The following ZNF25 variants were observed in gnomAD, a reference collection of about 807,000 sequenced individuals.
ZNF25 encodes the protein zinc finger protein 25.
ZNF25 carries 21 observed loss-of-function variants against 30.9 expected under a neutral mutation model. The observed-to-expected ratio is 0.68, with a 90% CI of 0.48 to 0.98. ZNF25 has a LOEUF of 0.98. Ranked by LOEUF, ZNF25 falls within the 50% of genes least tolerant of loss-of-function variation. The pLI, the probability that ZNF25 is intolerant of heterozygous loss-of-function variation, is 0.00. For synonymous variants in ZNF25, 169 were observed against 181.3 expected (o/e 0.93, Z 0.55); for missense variants, 501 against 529.9 (o/e 0.95, Z 0.54).
intron 2 of ZNF25, among the ~76,000 whole-genome samples, chr10:37,958,854 C>A (rs2062689509): frequency 6.6e-6 from 1 of 152,104 alleles, no homozygotes; most frequent in African/African-American, 2.4e-5. Flanking sequence ...TTGAGACCAG[C>A]CTGGCCAACA....
At position 37,959,400 on chromosome 10, in the gene ZNF25, G is replaced by A. The variant is rs2062720680; in HGVS notation, c.16-1854C>T. Among the ~76,000 whole-genome samples, 3 of 152,158 alleles carry A rather than the reference G, an allele frequency of 2.0e-5. No homozygotes were observed. In the South Asian group the frequency reaches 6.2e-4, roughly 32 times the overall value. The stretch of plus-strand genomic sequence containing the variant: ...TTAGTTACTAACCACTGGGAGAAAG[G>A]GGGAGGGCAGCTCCCATAGTGTCTG... On this transcript the variant is annotated intron_variant, in intron 2 of 5. Transcript: ENST00000302609.
chr10:37,970,293 C>A (rs575046222), intron 2 of ZNF25, among the ~76,000 whole-genome samples: 34 of 152,220 alleles, frequency 2.2e-4, no homozygotes, highest in Non-Finnish European at 3.5e-4. Flanking sequence ...GACCAATTTA[C>A]CCTGGCAATG....
At chr10:37,962,521 T>C (rs1048527219) in intron 2 of ZNF25, among the ~76,000 whole-genome samples, 5 of 152,180 alleles carry the variant, frequency 3.3e-5, no homozygotes, top group Admixed American at 6.5e-5. Context: ...CTGAACACAG[T>C]AGACAAACTA....
chr10:37,974,650 T>C (rs1300498336), intron 1 of ZNF25, among the ~76,000 whole-genome samples: 1 of 152,200 alleles, frequency 6.6e-6, no homozygotes, highest in Non-Finnish European at 1.5e-5. Context: ...AGAACCCTCA[T>C]ACAACCTTGG....
intron 2 of ZNF25, among the ~76,000 whole-genome samples, chr10:37,962,858 G>A (rs2062965153): frequency 6.6e-6 from 1 of 151,968 alleles, no homozygotes; most frequent in Non-Finnish European, 1.5e-5. Context: ...ACTCACTCAG[G>A]AAGAAATATC....
chr10:37,973,510 T>G (rs905595969), intron 1 of ZNF25, among the ~76,000 whole-genome samples: 15 of 149,766 alleles, frequency 1.0e-4, no homozygotes, highest in African/African-American at 2.7e-4. Context: ...TCCCAGCTAC[T>G]CGGGAGGTTG....
At chr10:37,963,988 G>A (rs936482674) in intron 2 of ZNF25, among the ~76,000 whole-genome samples, 2 of 151,950 alleles carry the variant, frequency 1.3e-5, no homozygotes, top group Non-Finnish European at 2.9e-5. Context: ...AAATAAATAA[G>A]CAAATAAATA....
At chr10:37,971,829 C>T in intron 1 of ZNF25, 22 bp from the exon 2 acceptor site, 11 of 1,484,858 alleles carry the variant, frequency 7.4e-6, no homozygotes, top group East Asian at 2.3e-5. Context: ...TTCCATACAA[C>T]ATTTTAGTAA....
chr10:37,968,151 G>T (rs574485103), intron 2 of ZNF25, among the ~76,000 whole-genome samples: 1 of 151,404 alleles, frequency 6.6e-6, no homozygotes, highest in African/African-American at 2.4e-5. Flanking sequence ...TCTGCCTCCC[G>T]GGTTCGAGCA....
rs2135255807 is a variant in ZNF25 at position 37,950,722 on chromosome 10, T to C, written c.*1405A>G. 1 of 152,262 alleles carries C rather than the reference T, an allele frequency of 6.6e-6. No individual in the cohort carries two copies. Among genetic ancestry groups the C allele is most frequent in the South Asian group, 2.1e-4 (1 of 4,826 alleles). 9.4% of individuals were successfully genotyped at this position (152,262 alleles called of 1,614,324 possible). On this transcript the variant is annotated 3_prime_UTR_variant, in exon 6 of 6. Transcript: ENST00000302609. ...CCTAAGATGTTGTCACTATCACTAC[T>C]CTTTTATGGGATGGGAACTGAGGCA...
chr10:37,966,123 A>G (rs190493329), intron 2 of ZNF25, among the ~76,000 whole-genome samples: 1 of 152,242 alleles, frequency 6.6e-6, no homozygotes, highest in East Asian at 1.9e-4. Flanking sequence ...ACATTGCTAT[A>G]AAGAACTACC....
intron 1 of ZNF25, among the ~76,000 whole-genome samples, chr10:37,974,419 GA>G (rs1180781980): frequency 6.6e-6 from 1 of 151,980 alleles, no homozygotes; most frequent in Non-Finnish European, 1.5e-5. Flanking sequence ...TCAACAGTCA[GA>G]AAACAAAAAA....
intron 2 of ZNF25, among the ~76,000 whole-genome samples, chr10:37,961,746 A>C (rs1157551756): frequency 6.7e-6 from 1 of 150,016 alleles, no homozygotes; most frequent in Non-Finnish European, 1.5e-5. Flanking sequence ...ACATGGAAAA[A>C]CCCCGTCTCT....
At position 37,952,791 on chromosome 10, in the gene ZNF25, C is replaced by G; in HGVS notation, c.707G>C (p.Gly236Ala). The G allele has an allele frequency of 6.2e-7, 1 of 1,613,686 alleles. No individual in the cohort carries two copies. Among genetic ancestry groups the G allele is most frequent in the Non-Finnish European group, 8.5e-7 (1 of 1,179,904 alleles). The change falls in exon 6 of 6, where the codon GGG becomes GCG. Residue 236 changes from glycine (G) to alanine (A), a missense_variant. Coordinates refer to ENST00000302609, the MANE Select transcript of ZNF25 (RefSeq NM_145011.4). ...GTATGCCTTCACATAGAAGAACTTC[C>G]CACATTCAGTACATTCAAAAGGTTT... ...GEKPFECTEC[G>A]KFFYVKAYLM...
intron 2 of ZNF25, among the ~76,000 whole-genome samples, chr10:37,962,837 T>C (rs2062964265): frequency 6.6e-6 from 1 of 152,090 alleles, no homozygotes; most frequent in Admixed American, 6.5e-5. Flanking sequence ...TGAAAGAAGA[T>C]AACTATCAAA....
rs1261122185 is a variant in ZNF25, at chr10:37,950,723, C to G, written c.*1404G>C. On this transcript the variant is annotated 3_prime_UTR_variant, in exon 6 of 6. Transcript: ENST00000302609. ...CTAAGATGTTGTCACTATCACTACT[C>G]TTTTATGGGATGGGAACTGAGGCAC... is the stretch of plus-strand genomic sequence containing the variant. 6.6e-6 allele frequency: 1 copy of G among 152,128 alleles called. No homozygotes were observed. 9.4% of individuals were successfully genotyped at this position (152,128 alleles called of 1,614,324 possible). A position where few individuals can be genotyped will look rare whatever the true frequency, so the allele number is the denominator to read the frequency against.
At chr10:37,971,563 T>C (rs1453029629) in intron 2 of ZNF25, 145 bp downstream of exon 2, 2 of 1,363,938 alleles carry the variant, frequency 1.5e-6, no homozygotes, top group Non-Finnish European at 2.0e-6. Flanking sequence ...ATTTTGCCTG[T>C]AGGTGATTTT....
chr10:37,964,494 T>C (rs1444925808), intron 2 of ZNF25, among the ~76,000 whole-genome samples: 1 of 152,128 alleles, frequency 6.6e-6, no homozygotes, highest in Non-Finnish European at 1.5e-5. Flanking sequence ...GAAACCGGAG[T>C]ATAGGTCACC....
At chr10:37,964,781 T>C (rs909802970) in intron 2 of ZNF25, among the ~76,000 whole-genome samples, 3 of 152,206 alleles carry the variant, frequency 2.0e-5, no homozygotes, top group Admixed American at 1.3e-4. Flanking sequence ...CCAAGCAGGC[T>C]GTGGAGCAAC....
Sources: gnomAD v4.1 joint callset for allele counts (sites outside exome capture counted in the v4.1 genomes callset) on GRCh38, gnomAD v4.1.1 for gene constraint, MANE v1.5 for transcripts, NCBI Gene and HGNC (gene_info 2026-07-23, HGNC 2026-07-21) for gene names.